Variants in DST observed in about 807,000 individuals in gnomAD.
The protein encoded by DST is dystonin.
A neutral mutation model predicts 875.2 loss-of-function variants in DST; 253 were observed. The ratio of observed to expected loss-of-function variants is 0.29; its 90% CI spans 0.26 to 0.32. DST has a LOEUF of 0.32. Ranked by LOEUF, DST falls within the 10% of genes least tolerant of loss-of-function variation. The pLI is 1.00. For synonymous variants in DST, 3,124 were observed against 3,197.1 expected (o/e 0.98, Z 0.77); for missense variants, 8,287 against 9,111.6 (o/e 0.91, Z 3.68).
At chr6:56,867,371 T>TA (rs1356211364) in intron 3 of DST, among the ~76,000 whole-genome samples, 1 of 152,236 alleles carries the variant, frequency 6.6e-6, no homozygotes, top group Non-Finnish European at 1.5e-5. Flanking sequence ...TCAGCATCAA[T>TA]AAAAATGCTG....
intron 3 of DST, among the ~76,000 whole-genome samples, chr6:56,869,300 G>A (rs1055383785): frequency 6.6e-6 from 1 of 152,114 alleles, no homozygotes; most frequent in Non-Finnish European, 1.5e-5. Flanking sequence ...AAAGGGGCAG[G>A]AAAATAAGAA....
intron 4 of DST, among the ~76,000 whole-genome samples, chr6:56,752,332 T>A (rs148640590): frequency 5.9e-5 from 9 of 152,170 alleles, no homozygotes; most frequent in South Asian, 2.1e-4. Context: ...TTTTTTTTTT[T>A]AAATCAAGGT....
chr6:56,856,772 T>C (rs973776415), intron 3 of DST, among the ~76,000 whole-genome samples: 1 of 152,216 alleles, frequency 6.6e-6, no homozygotes, highest in Non-Finnish European at 1.5e-5. Flanking sequence ...TAGGAAATTA[T>C]TGTTAGTTTT....
intron 3 of DST, among the ~76,000 whole-genome samples, chr6:56,866,345 C>A (rs891466916): frequency 1.3e-5 from 2 of 152,168 alleles, no homozygotes; most frequent in East Asian, 3.8e-4. Context: ...CTTGCCTGAA[C>A]AATTATTGGA....
chr6:56,632,005 A>T lies in DST; in HGVS notation c.3841T>A (p.Ser1281Thr). Residue 1281 changes from serine to threonine, a missense_variant, in exon 29 of 104, where the codon TCT becomes ACT. Ser to Thr is a moderately conservative substitution (Grantham distance 58, BLOSUM62 1). This residue lies in a region of DST where 3,138 missense variants were observed against 3,116.6 expected (regional missense o/e 1.01). Transcript: ENST00000680361. ...QEESVYNLYI[S>T]EVRNIRLRLE... ...CGAAGTCTAATGTTTCGAACTTCAG[A>T]GATGTAGAGATTATAAACTGATTCC... The T allele has an allele frequency of 6.2e-7, 1 of 1,613,468 alleles. No homozygotes were observed. The highest frequency in any genetic ancestry group is 2.2e-5 in the East Asian group (1 of 44,854).
At chr6:56,896,498 T>C (rs548950652) in intron 3 of DST, among the ~76,000 whole-genome samples, 30 of 152,328 alleles carry the variant, frequency 2.0e-4, no homozygotes, top group African/African-American at 7.2e-4. Context: ...CCTCTTTTTC[T>C]TCCCAGTCTC....
intron 7 of DST, 112 bp downstream of exon 7, chr6:56,703,536 C>A (rs948225855): frequency 3.9e-6 from 1 of 255,494 alleles, no homozygotes; most frequent in Admixed American, 6.5e-5. Flanking sequence ...GGTTTTGGCC[C>A]TTTCTATGCT....
chr6:56,933,048 G>A (rs796814495), intron 2 of DST, among the ~76,000 whole-genome samples: 21 of 152,038 alleles, frequency 1.4e-4, no homozygotes, highest in South Asian at 4.2e-4. Flanking sequence ...GACCCCCACC[G>A]AACAGCATGT....
At chr6:56,587,496 T>C (rs1293437298) in intron 49 of DST, among the ~76,000 whole-genome samples, 2 of 152,112 alleles carry the variant, frequency 1.3e-5, no homozygotes, top group Non-Finnish European at 2.9e-5. Context: ...TGCAGGATAT[T>C]ATCCAGGAGA....
At chr6:56,920,427 G>GA (rs1803485782) in intron 2 of DST, among the ~76,000 whole-genome samples, 1 of 152,164 alleles carries the variant, frequency 6.6e-6, no homozygotes, top group Non-Finnish European at 1.5e-5. Flanking sequence ...GAAAGGCTGG[G>GA]AAATGAAGTC....
intron 4 of DST, among the ~76,000 whole-genome samples, chr6:56,812,798 T>C (rs1010018488): frequency 1.2e-4 from 18 of 152,166 alleles, no homozygotes; most frequent in South Asian, 2.1e-4. Context: ...ACTGTAAACT[T>C]GTTCAACCAT....
Position 56,479,423 on chromosome 6 carries a change from G to A in DST, c.21532-1935C>T, listed in dbSNP as rs557496691. Among the ~76,000 whole-genome samples, 34 of 152,042 alleles carry A rather than the reference G, an allele frequency of 2.2e-4. No individual in the cohort carries two copies. The South Asian group carries it at 6.3e-3, about 28-fold the overall frequency. On this transcript the variant is annotated intron_variant, in intron 90 of 103. Coordinates refer to ENST00000680361, the MANE Select transcript of DST (RefSeq NM_001374736.1). Reference sequence around the variant, plus strand: ...ATTTGACCCAGCAATTCCACTACTCGGTATCTACCCAAAGGAAAAGAAATC... The same window carrying A: ...ATTTGACCCAGCAATTCCACTACTCAGTATCTACCCAAAGGAAAAGAAATC...
chr6:56,524,175 G>A (rs1276743310), intron 69 of DST, among the ~76,000 whole-genome samples: 1 of 152,020 alleles, frequency 6.6e-6, no homozygotes, highest in Non-Finnish European at 1.5e-5. Context: ...GGATATATTA[G>A]CTTCTTTATA....
Position 56,599,219 on chromosome 6 carries a change from A to T in DST, c.11695-510T>A, listed in dbSNP as rs550669480. ...AGCTGCTAGGTACCTCAAGATTAAG[A>T]TCTCTCCTTAGTAGTTATAGCTTTC... On this transcript the variant is annotated intron_variant, in intron 45 of 103. Transcript: ENST00000680361. Among the ~76,000 whole-genome samples the T allele has an allele frequency of 8.5e-5, 13 of 152,120 alleles. No individual in the cohort carries two copies. The South Asian group carries it at 2.7e-3, about 32-fold the overall frequency.
At chr6:56,497,552 G>A (rs968293855) in intron 81 of DST, 45 bp from the exon 82 acceptor site, 1 of 1,596,612 alleles carries the variant, frequency 6.3e-7, no homozygotes, top group Admixed American at 1.7e-5. Context: ...AACACTGTCA[G>A]TTTCAAGCAG....
At chr6:56,800,021 T>A (rs2099744904) in intron 4 of DST, among the ~76,000 whole-genome samples, 1 of 152,242 alleles carries the variant, frequency 6.6e-6, no homozygotes, top group African/African-American at 2.4e-5. Flanking sequence ...GCATAACTTT[T>A]ATATGCACCA....
intron 2 of DST, among the ~76,000 whole-genome samples, chr6:56,933,079 T>G (rs1811155318): frequency 6.6e-6 from 1 of 152,076 alleles, no homozygotes; most frequent in South Asian, 2.1e-4. Context: ...TAGGAGGAAC[T>G]GAGGACTGAT....
At chr6:56,748,552 G>C (rs942154563) in intron 4 of DST, among the ~76,000 whole-genome samples, 1 of 152,118 alleles carries the variant, frequency 6.6e-6, no homozygotes, top group Non-Finnish European at 1.5e-5. Context: ...AAATACACTG[G>C]CTTCCTAGAC....
chr6:56,778,900 G>A (rs569694598), intron 4 of DST, among the ~76,000 whole-genome samples: 251 of 152,160 alleles, frequency 1.6e-3, no homozygotes, highest in Non-Finnish European at 2.9e-3. Context: ...TATATACCCA[G>A]TAATGGGATG....
Sources: allele counts gnomAD v4.1 joint callset (sites outside exome capture counted in the v4.1 genomes callset), GRCh38; gene constraint gnomAD v4.1.1; regional missense constraint gnomAD v4.1.1; transcripts MANE v1.5; gene names NCBI Gene and HGNC (gene_info 2026-07-23, HGNC 2026-07-21).